The following SPATS2 variants were observed in gnomAD, a reference collection of about 807,000 sequenced individuals.
SPATS2 encodes the protein spermatogenesis associated serine rich 2.
SPATS2 carries 38 observed loss-of-function variants against 63.7 expected under a neutral mutation model. The observed-to-expected ratio is 0.60, with a 90% CI of 0.46 to 0.78. The LOEUF is 0.78. SPATS2 is among the 30% of genes least tolerant of loss of function. SPATS2 has a pLI of 0.00. For missense variants in SPATS2, 588 were observed against 666.2 expected, an observed-to-expected ratio of 0.88 and a Z score of 1.29; for synonymous variants, 207 against 232.9, an observed-to-expected ratio of 0.89 and a Z score of 1.01.
chr12:49,485,744 C>T (rs1281881402), intron 4 of SPATS2, among the ~76,000 whole-genome samples: 1 of 148,942 alleles, frequency 6.7e-6, no homozygotes, highest in Admixed American at 6.7e-5. Flanking sequence ...AACATAAAAG[C>T]TTTATGGGCT....
At chr12:49,518,478 G>A (rs1406875575) in intron 10 of SPATS2, among the ~76,000 whole-genome samples, 1 of 152,180 alleles carries the variant, frequency 6.6e-6, no homozygotes, top group East Asian at 1.9e-4. Context: ...CACATACTGG[G>A]TGGCTGTTAA....
chr12:49,398,156 A>AG (rs1418978799), intron 2 of SPATS2, among the ~76,000 whole-genome samples: 175 of 142,862 alleles, frequency 1.2e-3, no homozygotes, highest in African/African-American at 1.6e-3. Context: ...AAAAAAAAAA[A>AG]AAAAGAAAAG....
At chr12:49,510,254 C>T (rs948538900) in intron 9 of SPATS2, among the ~76,000 whole-genome samples, 3 of 149,520 alleles carry the variant, frequency 2.0e-5, no homozygotes, top group Non-Finnish European at 4.4e-5. Context: ...CAGAGCAAGA[C>T]CCTGTCTTAA....
At chr12:49,427,676 T>C (rs1472894596) in intron 2 of SPATS2, among the ~76,000 whole-genome samples, 2 of 152,216 alleles carry the variant, frequency 1.3e-5, no homozygotes, top group Non-Finnish European at 2.9e-5. Flanking sequence ...TCAATTTCTT[T>C]TAGAGTTACA....
intron 9 of SPATS2, among the ~76,000 whole-genome samples, chr12:49,508,209 C>T (rs760930564): frequency 6.6e-6 from 1 of 151,808 alleles, no homozygotes; most frequent in Non-Finnish European, 1.5e-5. Context: ...GTCATAATTC[C>T]AGTTTCTTTT....
At chr12:49,367,867 TG>T (rs1943929647) in intron 1 of SPATS2, among the ~76,000 whole-genome samples, 1 of 150,966 alleles carries the variant, frequency 6.6e-6, no homozygotes, top group Non-Finnish European at 1.5e-5. Context: ...TGAGCGTGTG[TG>T]GGGTATTGGA....
intron 2 of SPATS2, among the ~76,000 whole-genome samples, chr12:49,439,127 A>G (rs555709125): frequency 4.1e-4 from 63 of 152,362 alleles, no homozygotes; most frequent in Non-Finnish European, 8.2e-4. Context: ...AGAACGATTC[A>G]TGTGAATCTA....
chr12:49,488,593 G>A (rs375906370), intron 4 of SPATS2, among the ~76,000 whole-genome samples: 1 of 151,868 alleles, frequency 6.6e-6, no homozygotes, highest in Non-Finnish European at 1.5e-5. Flanking sequence ...GGGAGGTGGA[G>A]GTTGCAGTGA....
chr12:49,408,244 G>A (rs2137338334), intron 2 of SPATS2, among the ~76,000 whole-genome samples: 1 of 150,118 alleles, frequency 6.7e-6, no homozygotes, highest in South Asian at 2.1e-4. Flanking sequence ...GGAGATGATA[G>A]TATTCTTCTT....
chr12:49,520,822 G>A (rs200506614), intron 11 of SPATS2, among the ~76,000 whole-genome samples: 2 of 151,660 alleles, frequency 1.3e-5, no homozygotes, highest in Non-Finnish European at 2.9e-5. Context: ...GGGTTCAAGC[G>A]ATTCTCGTGC....
At chr12:49,393,411 A>T (rs1944454193) in intron 2 of SPATS2, among the ~76,000 whole-genome samples, 1 of 152,152 alleles carries the variant, frequency 6.6e-6, no homozygotes, top group East Asian at 1.9e-4. Flanking sequence ...TTCTAATTTT[A>T]TTATTATTCT....
In SPATS2 at chr12:49,453,856, C is replaced by CTTTTTTTT. The variant is rs869155580; in HGVS notation, c.-243-6897_-243-6890dup. On this transcript the variant is annotated intron_variant, in intron 2 of 13. Transcript: ENST00000552918. ...ACACAGAATTGCAGCAAATAGCATTCTTTTTTTTTTTTTTTTTTTTTTTTG... is the reference window on the plus strand; with the variant it reads ...ACACAGAATTGCAGCAAATAGCATTCTTTTTTTTTTTTTTTTTTTTTTTTTTTTTTTTG... 4.7e-4 allele frequency among the ~76,000 whole-genome samples: 36 copies of CTTTTTTTT among 76,202 alleles called. 2 individuals are homozygous for CTTTTTTTT. The highest frequency in any genetic ancestry group is 9.1e-4 in the South Asian group (2 of 2,196). The allele number at this position is 76,202 out of a possible 152,430, so 50.0% of individuals were successfully genotyped here. A position where few individuals can be genotyped will look rare whatever the true frequency, so the allele number is the denominator to read the frequency against.
chr12:49,405,696 CAG>C (rs1161453706), intron 2 of SPATS2, among the ~76,000 whole-genome samples: 1 of 152,142 alleles, frequency 6.6e-6, no homozygotes. Context: ...GCCTGGGCGA[CAG>C]AGCGAGACTG....
intron 2 of SPATS2, among the ~76,000 whole-genome samples, chr12:49,405,671 C>T (rs1348514292): frequency 1.3e-5 from 2 of 152,162 alleles, no homozygotes; most frequent in African/African-American, 4.8e-5. Context: ...GCCGAGATCA[C>T]ACCACTTAAC....
At chr12:49,472,069 T>C (rs1421453387) in intron 3 of SPATS2, among the ~76,000 whole-genome samples, 1 of 151,848 alleles carries the variant, frequency 6.6e-6, no homozygotes, top group African/African-American at 2.4e-5. Context: ...GCCCAGGAGG[T>C]TGAGTCTATA....
chr12:49,507,629 C>T (rs1592469197), intron 9 of SPATS2, among the ~76,000 whole-genome samples: 1 of 151,980 alleles, frequency 6.6e-6, no homozygotes, highest in African/African-American at 2.4e-5. Flanking sequence ...TTTTTATTTC[C>T]TGCGTTCCCT....
intron 2 of SPATS2, among the ~76,000 whole-genome samples, chr12:49,421,681 T>C (rs908012934): frequency 7.2e-5 from 11 of 152,170 alleles, no homozygotes; most frequent in African/African-American, 2.7e-4. Context: ...TAATCCAGTG[T>C]CTGTTAGTTT....
At chr12:49,462,116 CA>C (rs764586643) in intron 3 of SPATS2, among the ~76,000 whole-genome samples, 31 of 152,254 alleles carry the variant, frequency 2.0e-4, no homozygotes, top group Non-Finnish European at 4.0e-4. Context: ...TTAACTTCAG[CA>C]AATTACTTTG....
At chr12:49,493,183 G>A (rs73301240) in intron 6 of SPATS2, among the ~76,000 whole-genome samples, 28,278 of 151,756 alleles carry the variant, frequency 0.19, 3,615 homozygotes, top group African/African-American at 0.37. Flanking sequence ...TGTTTCTGCT[G>A]GAGAGGGTCA....
Sources: allele counts gnomAD v4.1 joint callset (sites outside exome capture counted in the v4.1 genomes callset), GRCh38; gene constraint gnomAD v4.1.1; transcripts MANE v1.5; gene names NCBI Gene and HGNC (gene_info 2026-07-23, HGNC 2026-07-21).